Variants in MOXD1 observed in about 807,000 individuals in gnomAD.
MOXD1 encodes DBH-like monooxygenase protein 1.
A neutral mutation model predicts 66.6 loss-of-function variants in MOXD1; 62 were observed. The observed-to-expected ratio is 0.93, with a 90% CI of 0.76 to 1.15. MOXD1 has a LOEUF of 1.15. Ranked by LOEUF, MOXD1 falls within the 50% of genes most tolerant of loss-of-function variation. The pLI, the probability that MOXD1 is intolerant of heterozygous loss-of-function variation, is 0.00. For synonymous variants in MOXD1, 303 were observed against 281.9 expected (o/e 1.07, Z -0.75); for missense variants, 847 against 754.6 (o/e 1.12, Z -1.44).
chr6:132,382,363 C>T (rs1776529384), intron 1 of MOXD1, among the ~76,000 whole-genome samples: 1 of 152,022 alleles, frequency 6.6e-6, no homozygotes, highest in African/African-American at 2.4e-5. Flanking sequence ...TATTAATGAT[C>T]TGCAAAGTGA....
At chr6:132,328,842 T>C (rs1775250198) in intron 4 of MOXD1, among the ~76,000 whole-genome samples, 1 of 152,326 alleles carries the variant, frequency 6.6e-6, no homozygotes, top group Admixed American at 6.5e-5. Flanking sequence ...ACTTTACTAA[T>C]CGGCTTTTTT....
At chr6:132,382,777 A>C (rs1280564012) in intron 1 of MOXD1, among the ~76,000 whole-genome samples, 1 of 152,200 alleles carries the variant, frequency 6.6e-6, no homozygotes, top group African/African-American at 2.4e-5. Context: ...GTAAGTTGAC[A>C]TCTGTTATTT....
intron 10 of MOXD1, among the ~76,000 whole-genome samples, chr6:132,308,069 GA>G (rs1774736488): frequency 6.9e-6 from 1 of 145,826 alleles, no homozygotes; most frequent in South Asian, 2.1e-4. Context: ...AAAAATCAAT[GA>G]ATCCAGGAAG....
rs1776287215 is a variant in MOXD1 at position 132,372,629 on chromosome 6, T to C, written c.642A>G (p.Gln214=). 6.2e-7 allele frequency: 1 copy of C among 1,613,760 alleles called. No homozygotes were observed. Among genetic ancestry groups the C allele is most frequent in the Non-Finnish European group, 8.5e-7 (1 of 1,179,634 alleles). Residue 214 remains glutamine, a synonymous_variant, in exon 4 of 12, where the codon CAA becomes CAG. Transcript: ENST00000367963. The part of the protein sequence containing the change: ...WCQMFKIPVF[Q]EKHHVIKVEP... ...ATACCTTTATTACATGATGCTTTTC[T>C]TGGAACACAGGAATCTTAAACATTT...
chr6:132,329,963 C>T (rs907940403), intron 4 of MOXD1, among the ~76,000 whole-genome samples: 21 of 152,166 alleles, frequency 1.4e-4, no homozygotes, highest in African/African-American at 3.9e-4. Context: ...ATGTGGAAAG[C>T]GTGATCCACA....
intron 4 of MOXD1, among the ~76,000 whole-genome samples, chr6:132,347,313 C>T (rs1775687347): frequency 6.6e-6 from 1 of 152,098 alleles, no homozygotes; most frequent in Admixed American, 6.5e-5. Context: ...AGGGAGGGAG[C>T]TATGGTCAGA....
chr6:132,346,106 T>C (rs1433412286), intron 4 of MOXD1, among the ~76,000 whole-genome samples: 1 of 152,002 alleles, frequency 6.6e-6, no homozygotes, highest in East Asian at 1.9e-4. Context: ...AATAATTCTA[T>C]CCAAGAAAGG....
rs140637010 is a variant in MOXD1, at chr6:132,386,509, G to T, written c.265-11732C>A. Among the ~76,000 whole-genome samples the T allele has an allele frequency of 1.1e-4, 16 of 150,836 alleles. No homozygotes were observed. The East Asian group carries it at 3.1e-3, about 29-fold the overall frequency. On this transcript the variant is annotated intron_variant, in intron 1 of 11. Coordinates refer to ENST00000367963, the MANE Select transcript of MOXD1 (RefSeq NM_015529.4). ...ACCATTGTGATGATAATGATTCAAT[G>T]CATATCTATCCAGAGACCAGGCAAA...
rs1187846718 is a variant in MOXD1 at position 132,390,652 on chromosome 6, T to C, written c.264+10511A>G. 3 of 151,568 alleles carry C rather than the reference T, an allele frequency of 2.0e-5. 1 individual carries two copies. Among genetic ancestry groups the C allele is most frequent in the South Asian group, 4.2e-4 (2 of 4,728 alleles). The allele number at this position is 151,568 out of a possible 1,614,324, so 9.4% of individuals were successfully genotyped here. On this transcript the variant is annotated intron_variant, in intron 1 of 11. Coordinates refer to ENST00000367963, the MANE Select transcript of MOXD1 (RefSeq NM_015529.4). ...CATTCCAACATTCTGAGTACTTTCC[T>C]GAAACAGTCATATGACAGCCACAGA...
At chr6:132,366,725 A>T (rs1375236956) in intron 4 of MOXD1, among the ~76,000 whole-genome samples, 1 of 152,120 alleles carries the variant, frequency 6.6e-6, no homozygotes. Context: ...CGTGTTAATG[A>T]TAAGGTTTTC....
chr6:132,297,325 T>G lies in MOXD1; in HGVS notation c.1678-8A>C, dbSNP rs1174053174. ...TGCTGTCATTCCTTGAATCTGAAAA[T>G]GGAAGCACAAACAATGCAAATGAAC... On this transcript the variant is annotated splice_polypyrimidine_tract_variant and splice_region_variant and intron_variant, in intron 11 of 11. Coordinates refer to ENST00000367963, the MANE Select transcript of MOXD1 (RefSeq NM_015529.4). 1 of 1,611,724 alleles carries G rather than the reference T, an allele frequency of 6.2e-7. No individual in the cohort carries two copies. Among genetic ancestry groups the G allele is most frequent in the East Asian group, 2.2e-5 (1 of 44,834 alleles).
rs529735152 is a variant in MOXD1, at chr6:132,322,885, G to A, written c.1114-15C>T. On this transcript the variant is annotated splice_polypyrimidine_tract_variant and intron_variant, in intron 7 of 11. Transcript: ENST00000367963. ...GCTTCCAGAGCCTACAGGAGACACCGAGGAAGACCCGATTAGCCCACATTA... is the reference window on the plus strand; with the variant it reads ...GCTTCCAGAGCCTACAGGAGACACCAAGGAAGACCCGATTAGCCCACATTA... The A allele has an allele frequency of 8.8e-5, 140 of 1,599,864 alleles. No homozygotes were observed. Among genetic ancestry groups the A allele is most frequent in the Non-Finnish European group, 1.2e-4 (136 of 1,174,108 alleles).
intron 4 of MOXD1, among the ~76,000 whole-genome samples, chr6:132,366,669 A>G (rs536036811): frequency 1.3e-5 from 2 of 152,144 alleles, no homozygotes; most frequent in East Asian, 1.9e-4. Flanking sequence ...AGACTTACAC[A>G]TTCTCAGAAA....
At chr6:132,349,466 C>CAT (rs1175675163) in intron 4 of MOXD1, among the ~76,000 whole-genome samples, 23 of 12,168 alleles carry the variant, frequency 1.9e-3, no homozygotes, top group Non-Finnish European at 2.2e-3. Context: ...TATATATATA[C>CAT]ATATATATAT....
At chr6:132,392,602 G>T (rs966321620) in intron 1 of MOXD1, among the ~76,000 whole-genome samples, 1 of 152,178 alleles carries the variant, frequency 6.6e-6, no homozygotes, top group East Asian at 1.9e-4. Flanking sequence ...ACAAAATAGT[G>T]AGGTTTTGAA....
chr6:132,313,555 T>C (rs1774875919), intron 10 of MOXD1, among the ~76,000 whole-genome samples: 1 of 152,206 alleles, frequency 6.6e-6, no homozygotes. Flanking sequence ...TTCTCCTTCA[T>C]CATCTGCATT....
rs186406797 is a variant in MOXD1 at position 132,380,735 on chromosome 6, A to T, written c.265-5958T>A. ...ACTTATTTACATTGTCAATGGAACA[A>T]AAAAAGGGGGGAAGACAATTATTTT... is the stretch of plus-strand genomic sequence containing the variant. On this transcript the variant is annotated intron_variant, in intron 1 of 11. Transcript: ENST00000367963. Among the ~76,000 whole-genome samples the T allele has an allele frequency of 7.9e-5, 12 of 152,320 alleles. No individual in the cohort carries two copies. The East Asian group carries it at 1.2e-3, about 15-fold the overall frequency.
chr6:132,315,246 A>G (rs1774917222), intron 10 of MOXD1, among the ~76,000 whole-genome samples: 1 of 152,234 alleles, frequency 6.6e-6, no homozygotes, highest in Non-Finnish European at 1.5e-5. Context: ...TCACAATTTG[A>G]TGATGGTGTA....
At chr6:132,301,466 C>T (rs904699647) in intron 10 of MOXD1, among the ~76,000 whole-genome samples, 8 of 151,962 alleles carry the variant, frequency 5.3e-5, no homozygotes, top group Admixed American at 4.6e-4. Flanking sequence ...CTTGGTCCCT[C>T]TGTTCTATAT....
Sources: allele counts gnomAD v4.1 joint callset (sites outside exome capture counted in the v4.1 genomes callset), GRCh38; gene constraint gnomAD v4.1.1; transcripts MANE v1.5; gene names NCBI Gene and HGNC (gene_info 2026-07-23, HGNC 2026-07-21).